Variants in CTBP2 observed in about 807,000 individuals in gnomAD.
The protein encoded by CTBP2 is C-terminal-binding protein 2.
CTBP2 carries 30 observed loss-of-function variants against 80.3 expected under a neutral mutation model. That is an observed-to-expected ratio of 0.37 (90% confidence interval 0.28 to 0.51). The LOEUF is 0.51. Among genes scored for constraint, CTBP2 ranks in the 20% least tolerant of loss-of-function variants. The probability of loss-of-function intolerance (pLI) is 0.93; values close to 1 mark genes in which losing one functional copy is unlikely to be tolerated. For synonymous variants in CTBP2, 594 were observed against 587.4 expected (o/e 1.01, Z -0.16); for missense variants, 1,212 against 1,375.3 (o/e 0.88, Z 1.88).
chr10:125,072,928 C>T (rs996419577), intron 2 of CTBP2, among the ~76,000 whole-genome samples: 2 of 152,192 alleles, frequency 1.3e-5, no homozygotes, highest in African/African-American at 4.8e-5. Flanking sequence ...AAACTGTTGA[C>T]TACAGTTTTG....
rs113318950 is a variant in CTBP2 at position 125,006,303 on chromosome 10, A to G, written c.1679-2811T>C. Among the ~76,000 whole-genome samples, 312 of 102,838 alleles carry G rather than the reference A, an allele frequency of 3.0e-3. 2 individuals are homozygous for G. The highest frequency in any genetic ancestry group is 5.0e-3 in the Non-Finnish European group (245 of 49,130). 67.5% of individuals were successfully genotyped at this position (102,838 alleles called of 152,430 possible). A position where few individuals can be genotyped will look rare whatever the true frequency, so the allele number is the denominator to read the frequency against. ...AAAAGATGCCGGGCACGACGGCTGGAGGTGGGGGGTTGGGAGTGGGTGGGA... is the reference window on the plus strand; with the variant it reads ...AAAAGATGCCGGGCACGACGGCTGGGGGTGGGGGGTTGGGAGTGGGTGGGA... On this transcript the variant is annotated intron_variant, in intron 1 of 8. Coordinates refer to ENST00000309035, the MANE Select transcript of CTBP2 (RefSeq NM_022802.3).
intron 1 of CTBP2, among the ~76,000 whole-genome samples, chr10:125,159,374 G>A (rs1458466140): frequency 6.9e-6 from 1 of 144,322 alleles, no homozygotes; most frequent in Non-Finnish European, 1.5e-5. Context: ...TGGTGCCCGC[G>A]GGAGCGCGGC....
Position 125,027,448 on chromosome 10 carries a change from G to T in CTBP2, c.312C>A (p.Pro104=), listed in dbSNP as rs929411643. ...CACTGTAGTACTCCCGTGGCAGCAG[G>T]GGGCTGCGACCAGACATCACTGCCT... Residue 104 remains proline, a synonymous_variant, in exon 1 of 9, where the codon CCC becomes CCA. Coordinates refer to ENST00000309035, the MANE Select transcript of CTBP2 (RefSeq NM_022802.3). The T allele has an allele frequency of 6.2e-7, 1 of 1,614,000 alleles. No individual in the cohort carries two copies. The highest frequency in any genetic ancestry group is 1.3e-5 in the African/African-American group (1 of 74,902).
chr10:125,088,901 A>C (rs1354033510), intron 2 of CTBP2, among the ~76,000 whole-genome samples: 1 of 152,228 alleles, frequency 6.6e-6, no homozygotes, highest in Non-Finnish European at 1.5e-5. Flanking sequence ...TTTCATTATC[A>C]GTTCTTCCAA....
chr10:125,027,659 G>A lies in CTBP2; in HGVS notation c.101C>T (p.Pro34Leu). 6.2e-7 allele frequency: 1 copy of A among 1,614,036 alleles called. No homozygotes were observed. The highest frequency in any genetic ancestry group is 8.5e-7 in the Non-Finnish European group (1 of 1,180,034). ...CGTCAGGGAGCTTCTCCTCCCCAGA[G>A]GCCGCAGGGACTCGGCGTTCTCCCA... The change falls in exon 1 of 9, where the codon CCT becomes CTT. Residue 34 changes from proline to leucine, a missense_variant. Around this residue, in one of 3 missense-constraint regions of CTBP2, gnomAD observed 848 missense variants for 782.3 expected, o/e 1.08. Transcript: ENST00000309035.
At chr10:125,049,405 C>T (rs987778348) in intron 2 of CTBP2, among the ~76,000 whole-genome samples, 2 of 152,242 alleles carry the variant, frequency 1.3e-5, no homozygotes, top group Admixed American at 6.5e-5. Context: ...ACCCCACACA[C>T]GTGCGGATCC....
intron 2 of CTBP2, among the ~76,000 whole-genome samples, chr10:125,075,282 A>G (rs1210160821): frequency 6.6e-6 from 1 of 152,202 alleles, no homozygotes; most frequent in African/African-American, 2.4e-5. Context: ...CAAGAAGAGT[A>G]TGCTGGAAAC....
At chr10:125,072,286 A>G (rs1027583120) in intron 2 of CTBP2, among the ~76,000 whole-genome samples, 38 of 151,696 alleles carry the variant, frequency 2.5e-4, no homozygotes, top group Non-Finnish European at 1.8e-4. Context: ...AGAAAAAGGA[A>G]TCCACGTACA....
chr10:125,129,738 AAGG>A (rs1397333957), intron 1 of CTBP2, among the ~76,000 whole-genome samples: 1 of 152,216 alleles, frequency 6.6e-6, no homozygotes, highest in Non-Finnish European at 1.5e-5. Flanking sequence ...CTGTCTCTGG[AAGG>A]AGGAGCACAG....
At position 124,986,291 on chromosome 10, in the gene CTBP2, GCACACACACACACACA is replaced by G. The variant is rs58255988; in HGVS notation, c.*3211_*3226del. 2.6e-5 allele frequency: 3 copies of G among 116,020 alleles called. No individual in the cohort carries two copies. The East Asian group carries it at 6.3e-4, about 24-fold the overall frequency. The allele number at this position is 116,020 out of a possible 1,614,324, so 7.2% of individuals were successfully genotyped here. On this transcript the variant is annotated 3_prime_UTR_variant, in exon 9 of 9. Transcript: ENST00000309035. ...AGACGACACACGCACGCGCGCGCGC[GCACACACACACACACA>G]CACACACACACACACAGTTTTTTCC...
chr10:125,093,763 G>C (rs1315110248), intron 2 of CTBP2, among the ~76,000 whole-genome samples: 1 of 152,210 alleles, frequency 6.6e-6, no homozygotes, highest in Non-Finnish European at 1.5e-5. Context: ...AGGACGCTCA[G>C]GGGGCAGCAC....
chr10:125,061,855 C>A (rs546161276), intron 2 of CTBP2, among the ~76,000 whole-genome samples: 2 of 152,332 alleles, frequency 1.3e-5, no homozygotes, highest in East Asian at 3.9e-4. Flanking sequence ...ATCCTGGACA[C>A]TGTTCCCGTC....
chr10:125,156,691 C>T (rs1353835782), intron 1 of CTBP2, among the ~76,000 whole-genome samples: 1 of 152,170 alleles, frequency 6.6e-6, no homozygotes, highest in Non-Finnish European at 1.5e-5. Context: ...TTCATCATTT[C>T]TTTGCCTTGT....
At chr10:125,117,723 C>T (rs993110640) in intron 1 of CTBP2, among the ~76,000 whole-genome samples, 5 of 152,242 alleles carry the variant, frequency 3.3e-5, no homozygotes, top group African/African-American at 1.2e-4. Flanking sequence ...AGATTCAATT[C>T]CACCAACTAT....
chr10:125,052,029 C>A (rs1222970860), intron 2 of CTBP2, among the ~76,000 whole-genome samples: 1 of 152,190 alleles, frequency 6.6e-6, no homozygotes, highest in Non-Finnish European at 1.5e-5. Context: ...TCTGAGAAAA[C>A]ACATCTCTGT....
At chr10:125,011,512 T>G in intron 1 of CTBP2, among the ~76,000 whole-genome samples, 1 of 152,198 alleles carries the variant, frequency 6.6e-6, no homozygotes, top group Non-Finnish European at 1.5e-5. Context: ...TGGGTGATCA[T>G]GTTAATAACG....
intron 1 of CTBP2, among the ~76,000 whole-genome samples, chr10:125,005,233 G>A (rs1005652561): frequency 3.9e-5 from 6 of 152,216 alleles, no homozygotes; most frequent in Admixed American, 6.5e-5. Context: ...TTTTGTCCCA[G>A]CCTCAGAAGA....
At position 125,041,451 on chromosome 10, in the gene CTBP2, T is replaced by C. The variant is rs1425866464; in HGVS notation, c.-101-2296A>G. ...CTAACTATAGCCAACTTAAGAGTTATTGGAGTGGGGGCGGGGGGCCAAACC... is the reference window on the plus strand; with the variant it reads ...CTAACTATAGCCAACTTAAGAGTTACTGGAGTGGGGGCGGGGGGCCAAACC... On this transcript the variant is annotated intron_variant, in intron 2 of 10. Transcript: ENST00000337195. Among the ~76,000 whole-genome samples, 9 of 151,732 alleles carry C rather than the reference T, an allele frequency of 5.9e-5. No homozygotes were observed. The South Asian group carries it at 6.2e-4, about 10-fold the overall frequency.
chr10:125,005,848 A>T lies in CTBP2; in HGVS notation c.1679-2356T>A, dbSNP rs761995676. The T allele has an allele frequency of 5.7e-6, 9 of 1,580,402 alleles. No individual in the cohort carries two copies. In the Admixed American group the frequency reaches 1.6e-4, roughly 28 times the overall value. Reference sequence around the variant, plus strand: ...CCCACACACAGTGAGGAACACCCCAACTTCACTTTCAGGGGTGCTGGCAGG... The same window carrying T: ...CCCACACACAGTGAGGAACACCCCATCTTCACTTTCAGGGGTGCTGGCAGG... On this transcript the variant is annotated intron_variant, in intron 1 of 8. Transcript: ENST00000309035.
Sources: gnomAD v4.1 joint callset for allele counts (sites outside exome capture counted in the v4.1 genomes callset) on GRCh38, gnomAD v4.1.1 for gene constraint, gnomAD v4.1.1 regional missense constraint, MANE v1.5 for transcripts, NCBI Gene and HGNC (gene_info 2026-07-23, HGNC 2026-07-21) for gene names.